The following UNC13C variants were observed in gnomAD, a reference collection of about 807,000 sequenced individuals.
The protein encoded by UNC13C is protein unc-13 homolog C.
UNC13C carries 174 observed loss-of-function variants against 245.4 expected under a neutral mutation model. The observed-to-expected ratio is 0.71, with a 90% CI of 0.63 to 0.80. UNC13C has a LOEUF of 0.80. UNC13C is among the 30% of genes least tolerant of loss of function. The pLI is 0.00. For missense variants in UNC13C, 2,829 were observed against 2,602.9 expected, an observed-to-expected ratio of 1.09 and a Z score of -1.89; for synonymous variants, 992 against 895.1, an observed-to-expected ratio of 1.11 and a Z score of -1.93.
At chr15:53,896,332 C>T in the UNC13C span, among the ~76,000 whole-genome samples, 3 of 152,086 alleles carry the variant, frequency 2.0e-5, no homozygotes, top group African/African-American at 4.8e-5. Context: ...AATTGTGCCA[C>T]AGTCTTTCAT....
chr15:54,036,720 C>T (rs757396936), intron 2 of UNC13C, among the ~76,000 whole-genome samples: 6 of 152,234 alleles, frequency 3.9e-5, no homozygotes, highest in Admixed American at 6.5e-5. Context: ...TTCTTCTCAT[C>T]CACCTTCATC....
At chr15:54,078,057 T>A (rs1444167327) in intron 2 of UNC13C, among the ~76,000 whole-genome samples, 2 of 152,196 alleles carry the variant, frequency 1.3e-5, no homozygotes, top group African/African-American at 4.8e-5. Flanking sequence ...CTCCCACTTA[T>A]TAGTGAGCAC....
chr15:54,247,447 T>C (rs1233250327), intron 7 of UNC13C, among the ~76,000 whole-genome samples: 1 of 152,194 alleles, frequency 6.6e-6, no homozygotes, highest in Non-Finnish European at 1.5e-5. Flanking sequence ...TATATGCTTT[T>C]CCTACCTATT....
chr15:54,451,284 A>G (rs932349264), intron 19 of UNC13C, among the ~76,000 whole-genome samples: 1 of 152,016 alleles, frequency 6.6e-6, no homozygotes, highest in Non-Finnish European at 1.5e-5. Context: ...GGGGTGTAGT[A>G]TTTTTGGTGG....
intron 4 of UNC13C, among the ~76,000 whole-genome samples, chr15:54,186,857 T>TATATA (rs1567079932): frequency 2.6e-5 from 2 of 77,878 alleles, no homozygotes; most frequent in South Asian, 3.1e-4. Context: ...ATATATATAT[T>TATATA]TTGTTTTTTG....
At chr15:54,570,600 C>CT (rs1380357491) in intron 30 of UNC13C, among the ~76,000 whole-genome samples, 1 of 152,130 alleles carries the variant, frequency 6.6e-6, no homozygotes, top group Non-Finnish European at 1.5e-5. Context: ...CATTCCCTCT[C>CT]TTTTTTTGAT....
intron 4 of UNC13C, among the ~76,000 whole-genome samples, chr15:54,177,622 G>A (rs1005582411): frequency 1.3e-5 from 2 of 152,112 alleles, no homozygotes; most frequent in Non-Finnish European, 2.9e-5. Flanking sequence ...ATTGTCTTCT[G>A]TGAGTCTGTT....
chr15:54,024,945 A>T (rs919424873), intron 2 of UNC13C, among the ~76,000 whole-genome samples: 1 of 151,810 alleles, frequency 6.6e-6, no homozygotes, highest in African/African-American at 2.4e-5. Context: ...TAATAAAAAA[A>T]TGCTATGGAA....
chr15:54,153,004 G>A (rs1315574376), intron 4 of UNC13C, among the ~76,000 whole-genome samples: 1 of 152,120 alleles, frequency 6.6e-6, no homozygotes, highest in Admixed American at 6.5e-5. Context: ...AGACTATATA[G>A]TAGTCAGAGA....
intron 4 of UNC13C, among the ~76,000 whole-genome samples, chr15:54,156,107 A>G (rs1300405412): frequency 6.6e-6 from 1 of 152,226 alleles, no homozygotes; most frequent in Non-Finnish European, 1.5e-5. Flanking sequence ...GGTGAAAATG[A>G]CGGGGAAGAA....
At chr15:54,074,305 T>G (rs7176932) in intron 2 of UNC13C, among the ~76,000 whole-genome samples, 71,293 of 151,746 alleles carry the variant, frequency 0.47, 18,605 homozygotes, top group Non-Finnish European at 0.6. Context: ...TTGAAGTCAG[T>G]TAGCATGATG....
intron 4 of UNC13C, among the ~76,000 whole-genome samples, chr15:54,206,598 C>T (rs2034719646): frequency 6.6e-6 from 1 of 152,084 alleles, no homozygotes; most frequent in African/African-American, 2.4e-5. Context: ...AGATCATCCT[C>T]ACAGCTGGGC....
chr15:53,972,355 C>T, the UNC13C span, among the ~76,000 whole-genome samples: 2 of 152,270 alleles, frequency 1.3e-5, no homozygotes, highest in Non-Finnish European at 2.9e-5. Flanking sequence ...AACTAGGAAA[C>T]GGGAGAATCT....
At chr15:54,001,451 T>C (rs1246275894) in intron 1 of UNC13C, among the ~76,000 whole-genome samples, 1 of 152,124 alleles carries the variant, frequency 6.6e-6, no homozygotes, top group Non-Finnish European at 1.5e-5. Flanking sequence ...TAGTGTGAAA[T>C]TTACTATACC....
chr15:53,901,638 AT>A, the UNC13C span, among the ~76,000 whole-genome samples: 1 of 152,160 alleles, frequency 6.6e-6, no homozygotes, highest in Non-Finnish European at 1.5e-5. Context: ...TGAAATTAAC[AT>A]TTTTGTATAT....
chr15:54,557,385 T>C (rs1221955289), intron 29 of UNC13C, among the ~76,000 whole-genome samples: 3 of 151,984 alleles, frequency 2.0e-5, no homozygotes, highest in East Asian at 3.9e-4. Flanking sequence ...TCACCTGATA[T>C]CTGATTTTCA....
intron 2 of UNC13C, among the ~76,000 whole-genome samples, chr15:54,082,083 A>G (rs1332997576): frequency 6.6e-5 from 10 of 152,056 alleles, no homozygotes. Context: ...AATGTCATTT[A>G]TTTTCCTTTA....
intron 24 of UNC13C, among the ~76,000 whole-genome samples, chr15:54,519,039 G>T (rs1037513630): frequency 7.2e-5 from 11 of 152,070 alleles, no homozygotes; most frequent in Non-Finnish European, 1.6e-4. Flanking sequence ...TTCTAAGAAT[G>T]CAGCTCTTCA....
chr15:54,107,479 G>A (rs1900505084), intron 2 of UNC13C, among the ~76,000 whole-genome samples: 1 of 152,130 alleles, frequency 6.6e-6, no homozygotes. Flanking sequence ...AGAATATAGA[G>A]TCTAATATAA....
Sources: allele counts gnomAD v4.1 joint callset (sites outside exome capture counted in the v4.1 genomes callset), GRCh38; gene constraint gnomAD v4.1.1; transcripts MANE v1.5; gene names NCBI Gene and HGNC (gene_info 2026-07-23, HGNC 2026-07-21).